Variants in ARHGAP42 observed in about 807,000 individuals in gnomAD.
The protein encoded by ARHGAP42 is rho GTPase-activating protein 42.
In ARHGAP42, 63 loss-of-function variants were observed where a neutral mutation model predicts 125.0. The ratio of observed to expected loss-of-function variants is 0.50; its 90% confidence interval spans 0.41 to 0.62. The LOEUF is 0.62. Ranked by LOEUF, ARHGAP42 falls within the 20% of genes least tolerant of loss-of-function variation. The pLI is 0.00. For synonymous variants in ARHGAP42, 339 were observed against 351.0 expected (o/e 0.97, Z 0.38); for missense variants, 766 against 1,024.2 (o/e 0.75, Z 3.44).
At chr11:100,750,436 A>T (rs985304945) in intron 1 of ARHGAP42, among the ~76,000 whole-genome samples, 1 of 150,652 alleles carries the variant, frequency 6.6e-6, no homozygotes, top group Non-Finnish European at 1.5e-5. Flanking sequence ...ATGGCAGAGC[A>T]GGAAATCGGA....
At chr11:100,879,118 T>C (rs2135173156) in intron 4 of ARHGAP42, among the ~76,000 whole-genome samples, 1 of 152,250 alleles carries the variant, frequency 6.6e-6, no homozygotes, top group South Asian at 2.1e-4. Flanking sequence ...AACTAGGATC[T>C]TATTAGAAAT....
At position 100,791,745 on chromosome 11, in the gene ARHGAP42, C is replaced by A. The variant is rs1174392917; in HGVS notation, c.251-3360C>A. 2.6e-5 allele frequency among the ~76,000 whole-genome samples: 4 copies of A among 151,210 alleles called. No individual in the cohort carries two copies. In the East Asian group the frequency reaches 7.7e-4, roughly 29 times the overall value. On this transcript the variant is annotated intron_variant, in intron 2 of 23. Coordinates refer to ENST00000298815, the MANE Select transcript of ARHGAP42 (RefSeq NM_152432.4). ...GATTGGGGCCAGTCTCAGAAAACTCCTGGAGGGAGAGGAGTTTTTGTTGTG... is the reference window on the plus strand; with the variant it reads ...GATTGGGGCCAGTCTCAGAAAACTCATGGAGGGAGAGGAGTTTTTGTTGTG...
chr11:100,921,380 A>C, intron 5 of ARHGAP42, 114 bp from the exon 6 acceptor site: 1 of 721,634 alleles, frequency 1.4e-6, no homozygotes. Context: ...GACTATAATA[A>C]GTGCTGTGTT....
At chr11:100,763,329 A>G (rs961447931) in intron 1 of ARHGAP42, among the ~76,000 whole-genome samples, 1 of 151,894 alleles carries the variant, frequency 6.6e-6, no homozygotes, top group Non-Finnish European at 1.5e-5. Flanking sequence ...GTTAGTTTAC[A>G]TTTCTTTCTT....
intron 5 of ARHGAP42, among the ~76,000 whole-genome samples, chr11:100,920,275 A>ACATTTAC (rs1867199580): frequency 2.0e-5 from 3 of 152,204 alleles, no homozygotes; most frequent in Non-Finnish European, 2.9e-5. Flanking sequence ...ATGCATGATA[A>ACATTTAC]GTATAGATAA....
intron 6 of ARHGAP42, among the ~76,000 whole-genome samples, chr11:100,926,996 A>G (rs961855007): frequency 3.9e-5 from 6 of 152,240 alleles, no homozygotes; most frequent in Non-Finnish European, 8.8e-5. Context: ...AATGCAGAAA[A>G]TGAAAATAAA....
intron 1 of ARHGAP42, among the ~76,000 whole-genome samples, chr11:100,757,411 A>G (rs1432438563): frequency 6.6e-6 from 1 of 152,208 alleles, no homozygotes; most frequent in Non-Finnish European, 1.5e-5. Flanking sequence ...GTAGGGTTCC[A>G]ATGAGATAAG....
intron 2 of ARHGAP42, among the ~76,000 whole-genome samples, chr11:100,772,199 A>C (rs976358148): frequency 3.3e-5 from 5 of 152,216 alleles, no homozygotes; most frequent in Admixed American, 6.5e-5. Context: ...CCCCACAAAA[A>C]GAAGGCTCTC....
At chr11:100,853,500 T>A (rs1865253489) in intron 3 of ARHGAP42, among the ~76,000 whole-genome samples, 1 of 152,156 alleles carries the variant, frequency 6.6e-6, no homozygotes, top group Non-Finnish European at 1.5e-5. Flanking sequence ...AGAAGAAGGA[T>A]ACAATAAATA....
chr11:100,927,340 GT>G (rs79665109), intron 6 of ARHGAP42, among the ~76,000 whole-genome samples: 6,988 of 152,064 alleles, frequency 0.046, 305 homozygotes, highest in East Asian at 0.25. Context: ...AAAAAATAAG[GT>G]TAGCATCATT....
chr11:100,904,216 A>G (rs1866655122), intron 4 of ARHGAP42, among the ~76,000 whole-genome samples: 2 of 151,048 alleles, frequency 1.3e-5, no homozygotes, highest in South Asian at 4.2e-4. Context: ...CAAATATCGA[A>G]CACCCCCTCT....
At chr11:100,710,453 T>G (rs1487260611) in intron 1 of ARHGAP42, among the ~76,000 whole-genome samples, 1 of 150,958 alleles carries the variant, frequency 6.6e-6, no homozygotes, top group African/African-American at 2.4e-5. Context: ...GTCAGGCTGG[T>G]CTTGAACTCC....
intron 5 of ARHGAP42, among the ~76,000 whole-genome samples, chr11:100,918,960 C>T (rs1867158876): frequency 6.6e-6 from 1 of 152,098 alleles, no homozygotes; most frequent in Admixed American, 6.5e-5. Flanking sequence ...CCACCCCCAG[C>T]TTTGGTAATT....
chr11:100,860,650 T>A (rs1403445399), intron 4 of ARHGAP42, among the ~76,000 whole-genome samples: 1 of 152,092 alleles, frequency 6.6e-6, no homozygotes, highest in Non-Finnish European at 1.5e-5. Context: ...CTTGCCAGAC[T>A]TCATATCCCA....
At chr11:100,785,398 A>T (rs1192604167) in intron 2 of ARHGAP42, among the ~76,000 whole-genome samples, 2 of 152,202 alleles carry the variant, frequency 1.3e-5, no homozygotes, top group African/African-American at 4.8e-5. Context: ...GGGAAATAAG[A>T]TTAGGAGTGA....
At chr11:100,698,471 A>T (rs1861328609) in intron 1 of ARHGAP42, among the ~76,000 whole-genome samples, 1 of 152,002 alleles carries the variant, frequency 6.6e-6, no homozygotes. Context: ...ACCCTGTCTT[A>T]AAAAAAGGTC....
chr11:100,814,543 T>C (rs1864221029), intron 3 of ARHGAP42, among the ~76,000 whole-genome samples: 1 of 152,122 alleles, frequency 6.6e-6, no homozygotes, highest in Admixed American at 6.5e-5. Flanking sequence ...AGAGGTTTAA[T>C]TGGCTCACAG....
chr11:100,766,593 A>G (rs903812494), intron 1 of ARHGAP42, among the ~76,000 whole-genome samples: 3 of 152,200 alleles, frequency 2.0e-5, no homozygotes, highest in East Asian at 1.9e-4. Context: ...TTTTAAATTA[A>G]TGGAAGATAT....
intron 12 of ARHGAP42, among the ~76,000 whole-genome samples, chr11:100,950,994 G>A (rs901862972): frequency 6.6e-6 from 1 of 152,056 alleles, no homozygotes; most frequent in East Asian, 1.9e-4. Flanking sequence ...GGGATTACAG[G>A]CATGAGCCAC....
Sources: gnomAD v4.1 joint callset for allele counts (sites outside exome capture counted in the v4.1 genomes callset) on GRCh38, gnomAD v4.1.1 for gene constraint, MANE v1.5 for transcripts, NCBI Gene and HGNC (gene_info 2026-07-23, HGNC 2026-07-21) for gene names.